Variants in FAM227B observed in about 807,000 individuals in gnomAD.
FAM227B encodes the protein family with sequence similarity 227 member B, also known as protein FAM227B.
FAM227B carries 88 observed loss-of-function variants against 73.8 expected under a neutral mutation model. That is an observed-to-expected ratio of 1.19 (90% confidence interval 1.00 to 1.42). FAM227B has a LOEUF of 1.42. Ranked by LOEUF, FAM227B falls within the 40% of genes most tolerant of loss-of-function variation. The pLI, the probability that FAM227B is intolerant of heterozygous loss-of-function variation, is 0.00. For synonymous variants in FAM227B, 210 were observed against 190.5 expected (o/e 1.10, Z -0.84); for missense variants, 632 against 590.9 (o/e 1.07, Z -0.72).
At chr15:49,452,703 C>CA (rs1436420998) in intron 11 of FAM227B, among the ~76,000 whole-genome samples, 1 of 152,076 alleles carries the variant, frequency 6.6e-6, no homozygotes, top group Admixed American at 6.6e-5. Context: ...GAGTCAGTCT[C>CA]TCTGAATCTT....
At chr15:49,494,256 A>AACACACACACACACACACACACAC in intron 11 of FAM227B, among the ~76,000 whole-genome samples, 1 of 140,714 alleles carries the variant, frequency 7.1e-6, no homozygotes, top group African/African-American at 2.6e-5. Context: ...GAGACACACA[A>AACACACACACACACACACACACAC]ACACACACAC....
intron 11 of FAM227B, among the ~76,000 whole-genome samples, chr15:49,409,897 A>G (rs1257054161): frequency 6.6e-6 from 1 of 152,172 alleles, no homozygotes; most frequent in East Asian, 1.9e-4. Context: ...TTTAATATAT[A>G]AAATAGAGAT....
intron 15 of FAM227B, chr15:49,329,958 T>G (rs2038314966): frequency 6.3e-6 from 1 of 158,724 alleles, no homozygotes; most frequent in South Asian, 2.0e-4. Context: ...GAGGGATCTA[T>G]TCTATATTTG....
chr15:49,603,376 G>A (rs111892249), intron 3 of FAM227B, among the ~76,000 whole-genome samples: 2 of 151,858 alleles, frequency 1.3e-5, no homozygotes, highest in African/African-American at 4.8e-5. Flanking sequence ...GATTCCTTAG[G>A]TATTTCATTT....
chr15:49,483,380 A>G, intron 11 of FAM227B: 1 of 588,660 alleles, frequency 1.7e-6, no homozygotes, highest in South Asian at 2.1e-5. Flanking sequence ...TTTTATTAAA[A>G]CACTTTATAC....
intron 9 of FAM227B, among the ~76,000 whole-genome samples, chr15:49,561,431 C>T (rs1301794620): frequency 6.6e-6 from 1 of 152,112 alleles, no homozygotes; most frequent in Non-Finnish European, 1.5e-5. Context: ...AACTTCAACA[C>T]CCCACTGACA....
intron 13 of FAM227B, among the ~76,000 whole-genome samples, chr15:49,335,965 T>C (rs1042034717): frequency 1.3e-5 from 2 of 152,262 alleles, no homozygotes; most frequent in Admixed American, 6.5e-5. Context: ...GGAATCCTCC[T>C]GCCTCAGCTT....
chr15:49,493,247 T>C (rs771286691), intron 11 of FAM227B, among the ~76,000 whole-genome samples: 1 of 152,000 alleles, frequency 6.6e-6, no homozygotes, highest in Non-Finnish European at 1.5e-5. Context: ...ACTATGTCAA[T>C]TACCAATTGT....
At chr15:49,551,365 G>A (rs1178351874) in intron 9 of FAM227B, among the ~76,000 whole-genome samples, 7 of 152,058 alleles carry the variant, frequency 4.6e-5, no homozygotes, top group Admixed American at 4.6e-4. Context: ...AACCTTCTTT[G>A]TTTCTTCTTA....
intron 9 of FAM227B, among the ~76,000 whole-genome samples, chr15:49,553,052 GT>G (rs1290734417): frequency 1.3e-5 from 2 of 152,164 alleles, no homozygotes; most frequent in African/African-American, 2.4e-5. Context: ...GCATTAAAGA[GT>G]TAGGTATTTA....
chr15:49,468,144 A>G (rs150183935), intron 11 of FAM227B, among the ~76,000 whole-genome samples: 362 of 152,286 alleles, frequency 2.4e-3, no homozygotes, highest in African/African-American at 8.2e-3. Flanking sequence ...AATGAATGAC[A>G]TAATTATTTT....
chr15:49,343,677 G>A (rs1372321543), intron 13 of FAM227B: 1 of 152,206 alleles, frequency 6.6e-6, no homozygotes, highest in Non-Finnish European at 1.5e-5. Flanking sequence ...TAATAGTGAT[G>A]TAGGTTGTAT....
intron 1 of FAM227B, among the ~76,000 whole-genome samples, chr15:49,616,998 A>G (rs780053821): frequency 2.0e-5 from 3 of 152,064 alleles, no homozygotes; most frequent in Non-Finnish European, 2.9e-5. Flanking sequence ...TTTAGTGCAC[A>G]TTTGTTTTTA....
chr15:49,618,490 G>T (rs2078440750), intron 1 of FAM227B, among the ~76,000 whole-genome samples: 1 of 152,222 alleles, frequency 6.6e-6, no homozygotes, highest in African/African-American at 2.4e-5. Context: ...AAAGTAAAAA[G>T]TTGTATTAAA....
Position 49,590,958 on chromosome 15 carries a change from C to T in FAM227B, c.106-951G>A, listed in dbSNP as rs577061217. 4.6e-5 allele frequency among the ~76,000 whole-genome samples: 7 copies of T among 151,252 alleles called. No individual in the cohort carries two copies. In the South Asian group the frequency reaches 8.4e-4, roughly 18 times the overall value. ...GGCTTATTTTACATAGCATCATGTCCTCCAAGATCATCCACACTGTCAAAA... is the reference window on the plus strand; with the variant it reads ...GGCTTATTTTACATAGCATCATGTCTTCCAAGATCATCCACACTGTCAAAA... On this transcript the variant is annotated intron_variant, in intron 3 of 15. Coordinates refer to ENST00000299338, the MANE Select transcript of FAM227B (RefSeq NM_152647.3).
rs2071108509 is a variant in FAM227B, at chr15:49,541,826, T to A, written c.748-20A>T. 1 of 1,341,918 alleles carries A rather than the reference T, an allele frequency of 7.5e-7. No individual in the cohort carries two copies. Among genetic ancestry groups the A allele is most frequent in the South Asian group, 2.3e-5 (1 of 43,026 alleles). 83.1% of individuals were successfully genotyped at this position (1,341,918 alleles called of 1,614,324 possible). On this transcript the variant is annotated intron_variant, in intron 9 of 15. Coordinates refer to ENST00000299338, the MANE Select transcript of FAM227B (RefSeq NM_152647.3). Reference sequence around the variant, plus strand: ...ATATATCTACCAAAATAAAATCAAATTAGATTAATTTTATATTTTTAAATT... The same window carrying A: ...ATATATCTACCAAAATAAAATCAAAATAGATTAATTTTATATTTTTAAATT...
At chr15:49,508,460 G>T in intron 10 of FAM227B, 112 bp from the exon 11 acceptor site, 1 of 1,004,490 alleles carries the variant, frequency 1.0e-6, no homozygotes, top group Non-Finnish European at 1.4e-6. Flanking sequence ...CAACAAAAAA[G>T]TTCCTTTTTT....
chr15:49,362,605 C>T (rs551490383), intron 13 of FAM227B, among the ~76,000 whole-genome samples: 5 of 152,244 alleles, frequency 3.3e-5, no homozygotes, highest in South Asian at 4.1e-4. Context: ...TCTTTTGCTG[C>T]GCAGAAGGTC....
chr15:49,572,997 T>C (rs971964930), intron 8 of FAM227B, among the ~76,000 whole-genome samples: 5 of 151,898 alleles, frequency 3.3e-5, no homozygotes, highest in African/African-American at 1.2e-4. Flanking sequence ...TTTTTTTTCT[T>C]TTTCCACTTT....
Sources: allele counts gnomAD v4.1 joint callset (sites outside exome capture counted in the v4.1 genomes callset), GRCh38; gene constraint gnomAD v4.1.1; transcripts MANE v1.5; gene names NCBI Gene and HGNC (gene_info 2026-07-23, HGNC 2026-07-21).